GM2A: variants seen among roughly 807,000 people sequenced by gnomAD.
GM2A encodes GM2 ganglioside activator.
A neutral mutation model predicts 12.9 loss-of-function variants in GM2A; 7 were observed. That is an observed-to-expected ratio of 0.54 (90% CI 0.31 to 1.02). The LOEUF (loss-of-function observed/expected upper bound fraction) is 1.02. Ranked by LOEUF, GM2A falls within the 50% of genes least tolerant of loss-of-function variation. The pLI is 0.05. For synonymous variants in GM2A, 101 were observed against 96.0 expected, an observed-to-expected ratio of 1.05 and a Z score of -0.30; for missense variants, 246 against 241.0, an observed-to-expected ratio of 1.02 and a Z score of -0.14.
chr5:151,268,272 C>A lies in GM2A; in HGVS notation c.*821C>A. 2.3e-6 allele frequency: 1 copy of A among 440,098 alleles called. No homozygotes were observed. Among genetic ancestry groups the A allele is most frequent in the South Asian group, 9.6e-5 (1 of 10,430 alleles). The allele number at this position is 440,098 out of a possible 1,614,324, so 27.3% of individuals were successfully genotyped here. On this transcript the variant is annotated 3_prime_UTR_variant, in exon 4 of 4. Coordinates refer to ENST00000357164, the MANE Select transcript of GM2A (RefSeq NM_000405.5). ...CTGGGTTCAAGCAATTCTCCTGCCT[C>A]AGCCTCCCAAGTAGCTTGGACTACA...
chr5:151,256,878 C>G (rs1456115007), intron 1 of GM2A, among the ~76,000 whole-genome samples: 1 of 152,162 alleles, frequency 6.6e-6, no homozygotes, highest in South Asian at 2.1e-4. Flanking sequence ...CTCCTCCAGC[C>G]TATGACAGCT....
At chr5:151,256,463 G>C (rs1370068747) in intron 1 of GM2A, among the ~76,000 whole-genome samples, 1 of 152,010 alleles carries the variant, frequency 6.6e-6, no homozygotes, top group Admixed American at 6.6e-5. Context: ...AAATTAGCCA[G>C]GCATGGTGGC....
rs574283505 is a variant in GM2A, at chr5:151,265,718, A to G, written c.244-1013A>G. Among the ~76,000 whole-genome samples, 7 of 152,306 alleles carry G rather than the reference A, an allele frequency of 4.6e-5. No individual in the cohort carries two copies. The South Asian group carries it at 6.2e-4, about 14-fold the overall frequency. On this transcript the variant is annotated intron_variant, in intron 2 of 3. Transcript: ENST00000357164. ...GGGCCACTTCCTCCTGGTCAGCTTC[A>G]GCCTCCAAAACGGGAGCAAAGTCAT...
In GM2A at chr5:151,267,655, G is replaced by C. The variant is rs1753919852; in HGVS notation, c.*204G>C. On this transcript the variant is annotated 3_prime_UTR_variant, in exon 4 of 4. Transcript: ENST00000357164. ...CCCTGACCTAAGGGAGAATGAGTTG[G>C]ACAGTTCTTGATAGCCCAGGGCATC... is the stretch of plus-strand genomic sequence containing the variant. 2 of 1,503,996 alleles carry C rather than the reference G, an allele frequency of 1.3e-6. No homozygotes were observed. The highest frequency in any genetic ancestry group is 1.8e-6 in the Non-Finnish European group (2 of 1,126,480). 93.2% of individuals were successfully genotyped at this position (1,503,996 alleles called of 1,614,324 possible).
chr5:151,262,797 C>T (rs555435755), intron 2 of GM2A, among the ~76,000 whole-genome samples: 1 of 152,294 alleles, frequency 6.6e-6, no homozygotes, highest in South Asian at 2.1e-4. Flanking sequence ...GGTAGGCCGT[C>T]CGCCATGCTC....
chr5:151,261,109 T>C (rs529511560), intron 2 of GM2A, among the ~76,000 whole-genome samples: 1 of 152,090 alleles, frequency 6.6e-6, no homozygotes, highest in South Asian at 2.1e-4. Context: ...ACTGCAGCCT[T>C]GACCTCCTGG....
rs1753957285 is a variant in GM2A, at chr5:151,269,088, A to G, written c.*1637A>G. On this transcript the variant is annotated 3_prime_UTR_variant, in exon 4 of 4. Coordinates refer to ENST00000357164, the MANE Select transcript of GM2A (RefSeq NM_000405.5). ...CCTCACCAGCAGCTGCTTTTGGAGC[A>G]GGGGTCCAAGGAAGAGAGGGTGGCC... 4 of 985,482 alleles carry G rather than the reference A, an allele frequency of 4.1e-6. No individual in the cohort carries two copies. Among genetic ancestry groups the G allele is most frequent in the Non-Finnish European group, 4.8e-6 (4 of 829,948 alleles). The allele number at this position is 985,482 out of a possible 1,614,324, so 61.0% of individuals were successfully genotyped here.
intron 3 of GM2A, 141 bp downstream of exon 3, chr5:151,267,054 C>A: frequency 1.2e-6 from 1 of 865,314 alleles, no homozygotes; most frequent in Non-Finnish European, 1.9e-6. Flanking sequence ...AATCACTTAT[C>A]TTCCGGGAGC....
In GM2A at chr5:151,268,842, C is replaced by G; in HGVS notation, c.*1391C>G. 2 of 985,240 alleles carry G rather than the reference C, an allele frequency of 2.0e-6. No homozygotes were observed. Among genetic ancestry groups the G allele is most frequent in the Non-Finnish European group, 2.4e-6 (2 of 829,756 alleles). The allele number at this position is 985,240 out of a possible 1,614,324, so 61.0% of individuals were successfully genotyped here. A position where few individuals can be genotyped will look rare whatever the true frequency, so the allele number is the denominator to read the frequency against. ...GGCTCATGGGTGGCCACGTCACAACCTCTGATCTCAGACCGTGCATGCCTT... is the reference window on the plus strand; with the variant it reads ...GGCTCATGGGTGGCCACGTCACAACGTCTGATCTCAGACCGTGCATGCCTT... On this transcript the variant is annotated 3_prime_UTR_variant, in exon 4 of 4. Coordinates refer to ENST00000357164, the MANE Select transcript of GM2A (RefSeq NM_000405.5).
At chr5:151,259,724 T>C (rs1230013678) in intron 1 of GM2A, 31 bp from the exon 2 acceptor site, 2 of 1,608,218 alleles carry the variant, frequency 1.2e-6, no homozygotes, top group Admixed American at 3.3e-5. Context: ...CTTTTTCTTC[T>C]TCTCCTTCCT....
At chr5:151,263,383 GTA>G (rs751276355) in intron 2 of GM2A, among the ~76,000 whole-genome samples, 5 of 149,830 alleles carry the variant, frequency 3.3e-5, no homozygotes, top group Middle Eastern at 3.4e-3. Flanking sequence ...AATATTTCTC[GTA>G]TATATATATA....
Position 151,268,652 on chromosome 5 carries a change from C to T in GM2A, c.*1201C>T, listed in dbSNP as rs1753945689. 1 of 695,368 alleles carries T rather than the reference C, an allele frequency of 1.4e-6. No individual in the cohort carries two copies. The highest frequency in any genetic ancestry group is 7.3e-4 in the Middle Eastern group (1 of 1,372). The allele number at this position is 695,368 out of a possible 1,614,324, so 43.1% of individuals were successfully genotyped here. Reference sequence around the variant, plus strand: ...CAACTGCCAGATACTGGCAATACTCCAGCCTGGTGACAGAGTGAGACTCTG... The same window carrying T: ...CAACTGCCAGATACTGGCAATACTCTAGCCTGGTGACAGAGTGAGACTCTG... On this transcript the variant is annotated 3_prime_UTR_variant, in exon 4 of 4. Coordinates refer to ENST00000357164, the MANE Select transcript of GM2A (RefSeq NM_000405.5).
chr5:151,263,397 A>T (rs1261508611), intron 2 of GM2A, among the ~76,000 whole-genome samples: 2 of 151,204 alleles, frequency 1.3e-5, no homozygotes, highest in Admixed American at 6.6e-5. Context: ...ATATATATAT[A>T]TTTATTTATT....
chr5:151,253,207 AC>A lies in GM2A; in HGVS notation c.-7del, dbSNP rs756968170. The A allele has an allele frequency of 6.2e-7, 1 of 1,611,430 alleles. No individual in the cohort carries two copies. Among genetic ancestry groups the A allele is most frequent in the East Asian group, 2.2e-5 (1 of 44,846 alleles). ...CTTGCAGTTAACTCCGCCCTGACCC[AC>A]CCTTCCCGATGCAGTCCCTGATGCA... is the stretch of plus-strand genomic sequence containing the variant. On this transcript the variant is annotated 5_prime_UTR_variant, in exon 1 of 4. Transcript: ENST00000357164.
In GM2A at chr5:151,267,427, C is replaced by T. The variant is rs776606375; in HGVS notation, c.558C>T (p.Ile186=). Residue 186 remains isoleucine (I), a synonymous_variant, in exon 4 of 4, where the codon ATC becomes ATT. Transcript: ENST00000357164. The stretch of plus-strand genomic sequence containing the variant: ...GGAAGCGTCTGGGCTGCATCAAGAT[C>T]GCTGCCTCTCTAAAGGGCATATAAC... ...SSGKRLGCIK[I]AASLKGI is the part of the protein sequence containing the mutation. The T allele has an allele frequency of 1.1e-5, 18 of 1,614,012 alleles. No individual in the cohort carries two copies. The highest frequency in any genetic ancestry group is 1.6e-4 in the Middle Eastern group (1 of 6,084).
In GM2A at chr5:151,268,346, G is replaced by A. The variant is rs994937907; in HGVS notation, c.*895G>A. 1 of 464,462 alleles carries A rather than the reference G, an allele frequency of 2.2e-6. No homozygotes were observed. The highest frequency in any genetic ancestry group is 2.1e-5 in the African/African-American group (1 of 47,112). The allele number at this position is 464,462 out of a possible 1,614,324, so 28.8% of individuals were successfully genotyped here. A position where few individuals can be genotyped will look rare whatever the true frequency, so the allele number is the denominator to read the frequency against. On this transcript the variant is annotated 3_prime_UTR_variant, in exon 4 of 4. Transcript: ENST00000357164. ...ATTTGTGTATTTTTAGTAGAGATGG[G>A]GTTTCACCATGTTGGCCAGGATGGT... is the stretch of plus-strand genomic sequence containing the variant.
rs6861766 is a variant in GM2A, at chr5:151,267,175, C to T, written c.427-121C>T. On this transcript the variant is annotated intron_variant, in intron 3 of 3. Transcript: ENST00000357164. Reference sequence around the variant, plus strand: ...TGCTATGGCCGTCTCTCATCTTGTGCGGCTGTTTTGAGAATGGGAAGAGGG... The same window carrying T: ...TGCTATGGCCGTCTCTCATCTTGTGTGGCTGTTTTGAGAATGGGAAGAGGG... 353,100 of 1,267,038 alleles carry T rather than the reference C, an allele frequency of 0.28. 51,758 individuals are homozygous for T. The highest frequency in any genetic ancestry group is 0.46 in the Admixed American group (24,026 of 52,380). 78.5% of individuals were successfully genotyped at this position (1,267,038 alleles called of 1,614,324 possible).
chr5:151,263,025 C>T (rs1753824508), intron 2 of GM2A, among the ~76,000 whole-genome samples: 1 of 151,730 alleles, frequency 6.6e-6, no homozygotes, highest in African/African-American at 2.4e-5. Context: ...TCTGTCTTTA[C>T]TGTCACTTGT....
chr5:151,259,995 A>T, intron 2 of GM2A, 79 bp downstream of exon 2: 1 of 1,069,248 alleles, frequency 9.4e-7, no homozygotes, highest in Non-Finnish European at 1.4e-6. Flanking sequence ...TGCTTGGGGA[A>T]CTGTGAAGAA....
Sources: allele counts gnomAD v4.1 joint callset (sites outside exome capture counted in the v4.1 genomes callset), GRCh38; gene constraint gnomAD v4.1.1; transcripts MANE v1.5; gene names NCBI Gene and HGNC (gene_info 2026-07-23, HGNC 2026-07-21).